RIMS2: variants seen among roughly 807,000 people sequenced by gnomAD.
The protein encoded by RIMS2 is regulating synaptic membrane exocytosis 2, also known as regulating synaptic membrane exocytosis protein 2.
A neutral mutation model predicts 174.4 loss-of-function variants in RIMS2; 59 were observed. The observed-to-expected ratio is 0.34, with a 90% CI of 0.27 to 0.42. The LOEUF is 0.42. RIMS2 is among the 10% of genes least tolerant of loss of function. The pLI is 1.00. For synonymous variants in RIMS2, 606 were observed against 572.5 expected (o/e 1.06, Z -0.84); for missense variants, 1,620 against 1,666.3 (o/e 0.97, Z 0.48).
At chr8:103,975,534 A>G in intron 16 of RIMS2, 28 bp downstream of exon 18, 4 of 1,582,714 alleles carry the variant, frequency 2.5e-6, no homozygotes, top group Non-Finnish European at 3.5e-6. Context: ...TTTTATTTGT[A>G]GGGTGGCTGT....
At chr8:104,217,510 C>G (rs892769739) in intron 19 of RIMS2, among the ~76,000 whole-genome samples, 1 of 152,146 alleles carries the variant, frequency 6.6e-6, no homozygotes, top group Non-Finnish European at 1.5e-5. Flanking sequence ...CTCAGGCAAT[C>G]CACCCACCTC....
At position 103,667,635 on chromosome 8, in the gene RIMS2, C is replaced by T. The variant is rs142123854; in HGVS notation, c.177-29451C>T. On this transcript the variant is annotated intron_variant, in intron 1 of 23. Transcript: ENST00000504942. ...ATCCCCCACAAATAAAAGTATACTTCATGAGTGCACACAAACCCCTTTTCC... is the reference window on the plus strand; with the variant it reads ...ATCCCCCACAAATAAAAGTATACTTTATGAGTGCACACAAACCCCTTTTCC... 1.5e-3 allele frequency among the ~76,000 whole-genome samples: 236 copies of T among 152,310 alleles called. 1 individual carries two copies. The highest frequency in any genetic ancestry group is 2.5e-3 in the Non-Finnish European group (172 of 68,020).
intron 3 of RIMS2, among the ~76,000 whole-genome samples, chr8:103,770,297 C>T (rs566236632): frequency 2.0e-4 from 30 of 152,234 alleles, no homozygotes; most frequent in African/African-American, 5.5e-4. Flanking sequence ...AAATATAGTC[C>T]GGGTGCAATG....
intron 3 of RIMS2, among the ~76,000 whole-genome samples, chr8:103,842,851 G>A (rs2098948225): frequency 2.0e-5 from 3 of 152,296 alleles, no homozygotes; most frequent in South Asian, 2.1e-4. Context: ...CACAATTCTG[G>A]ATTCTAGAAG....
intron 1 of RIMS2, among the ~76,000 whole-genome samples, chr8:103,636,240 T>C (rs1239236031): frequency 6.6e-6 from 1 of 152,168 alleles, no homozygotes; most frequent in African/African-American, 2.4e-5. Context: ...CTGCGGGCTG[T>C]TGCTGCTCAG....
chr8:103,661,678 G>A (rs1375829068), intron 1 of RIMS2, among the ~76,000 whole-genome samples: 1 of 151,900 alleles, frequency 6.6e-6, no homozygotes, highest in Non-Finnish European at 1.5e-5. Context: ...TGATTTTTTT[G>A]TATTTTTAGT....
chr8:103,845,963 G>C (rs559984208), intron 3 of RIMS2, among the ~76,000 whole-genome samples: 1 of 152,236 alleles, frequency 6.6e-6, no homozygotes, highest in South Asian at 2.1e-4. Context: ...ACTTACTGGT[G>C]ACCTTAACTA....
chr8:103,768,812 G>A (rs757875386), intron 3 of RIMS2: 35 of 673,322 alleles, frequency 5.2e-5, no homozygotes, highest in African/African-American at 1.4e-4. Flanking sequence ...AAAATTCAGC[G>A]TCTTATTACT....
intron 19 of RIMS2, among the ~76,000 whole-genome samples, chr8:104,071,591 T>A (rs930008238): frequency 1.3e-5 from 2 of 152,168 alleles, no homozygotes; most frequent in Non-Finnish European, 2.9e-5. Context: ...CGCGCCACCA[T>A]GCCCAGCCAA....
intron 19 of RIMS2, among the ~76,000 whole-genome samples, chr8:104,139,880 A>G (rs1179464954): frequency 6.6e-6 from 1 of 152,120 alleles, no homozygotes; most frequent in African/African-American, 2.4e-5. Flanking sequence ...CCCATTCAGT[A>G]TGATACTAGC....
intron 1 of RIMS2, among the ~76,000 whole-genome samples, chr8:103,596,238 G>T (rs1331404310): frequency 6.6e-6 from 1 of 151,926 alleles, no homozygotes; most frequent in Non-Finnish European, 1.5e-5. Flanking sequence ...GTTGGTATGT[G>T]TTTACATGTT....
chr8:103,526,410 T>G (rs1834000989), intron 1 of RIMS2, among the ~76,000 whole-genome samples: 1 of 152,142 alleles, frequency 6.6e-6, no homozygotes, highest in Non-Finnish European at 1.5e-5. Context: ...ATGTCTTACA[T>G]GGACACAAAA....
chr8:104,102,297 G>A (rs2097917700), intron 19 of RIMS2, among the ~76,000 whole-genome samples: 1 of 152,284 alleles, frequency 6.6e-6, no homozygotes, highest in East Asian at 1.9e-4. Flanking sequence ...TGCATGGCCT[G>A]TTATCTTTGC....
intron 1 of RIMS2, among the ~76,000 whole-genome samples, chr8:103,642,141 TTC>T (rs1267525522): frequency 6.6e-6 from 1 of 152,184 alleles, no homozygotes; most frequent in African/African-American, 2.4e-5. Context: ...CTTCTAATTT[TTC>T]TCTCTCTTCT....
At chr8:104,201,332 A>G (rs1282830288) in intron 19 of RIMS2, among the ~76,000 whole-genome samples, 1 of 152,226 alleles carries the variant, frequency 6.6e-6, no homozygotes, top group Non-Finnish European at 1.5e-5. Context: ...CTAATTTTGT[A>G]ACAACTTAAG....
At chr8:103,875,935 T>C (rs2099134284) in intron 3 of RIMS2, among the ~76,000 whole-genome samples, 1 of 151,976 alleles carries the variant, frequency 6.6e-6, no homozygotes, top group Non-Finnish European at 1.5e-5. Flanking sequence ...TTCATGTTGT[T>C]TGTCTACTTT....
At chr8:103,593,886 A>G (rs930111148) in intron 1 of RIMS2, among the ~76,000 whole-genome samples, 2 of 151,426 alleles carry the variant, frequency 1.3e-5, no homozygotes, top group Admixed American at 1.3e-4. Flanking sequence ...TAACTTATTA[A>G]ACAAAAGCAC....
chr8:103,954,248 C>A (rs373574780), intron 14 of RIMS2, among the ~76,000 whole-genome samples: 3 of 151,828 alleles, frequency 2.0e-5, no homozygotes, highest in Non-Finnish European at 4.4e-5. Context: ...TCTGACCAAG[C>A]GGCCTAATAG....
intron 19 of RIMS2, among the ~76,000 whole-genome samples, chr8:104,188,767 G>C (rs564612681): frequency 6.6e-6 from 1 of 151,956 alleles, no homozygotes; most frequent in Admixed American, 6.6e-5. Flanking sequence ...CCTTCAGGCA[G>C]TAAGAGTGTG....
Sources: allele counts gnomAD v4.1 joint callset (sites outside exome capture counted in the v4.1 genomes callset), GRCh38; gene constraint gnomAD v4.1.1; transcripts MANE v1.5; gene names NCBI Gene and HGNC (gene_info 2026-07-23, HGNC 2026-07-21).